Variants in HCFC2 observed in about 807,000 individuals in gnomAD.
HCFC2 encodes host cell factor 2.
A neutral mutation model predicts 89.2 loss-of-function variants in HCFC2; 18 were observed. That is an observed-to-expected ratio of 0.20 (90% CI 0.14 to 0.30). HCFC2 has a LOEUF of 0.30. Ranked by LOEUF, HCFC2 falls within the 10% of genes least tolerant of loss-of-function variation. The probability of loss-of-function intolerance (pLI) is 1.00; values close to 1 mark genes in which losing one functional copy is unlikely to be tolerated. For synonymous variants in HCFC2, 308 were observed against 335.7 expected (o/e 0.92, Z 0.90); for missense variants, 578 against 956.1 (o/e 0.60, Z 5.21).
chr12:104,078,886 G>A (rs1883593349), intron 3 of HCFC2, among the ~76,000 whole-genome samples: 1 of 152,162 alleles, frequency 6.6e-6, no homozygotes, highest in Non-Finnish European at 1.5e-5. Flanking sequence ...AACTCAGCTG[G>A]TTCTGTCACC....
At chr12:104,087,773 A>G (rs1406029216) in intron 8 of HCFC2, among the ~76,000 whole-genome samples, 2 of 152,088 alleles carry the variant, frequency 1.3e-5, no homozygotes, top group African/African-American at 4.8e-5. Context: ...AGTATTTTTA[A>G]CTAAATAGGC....
chr12:104,098,281 A>G, intron 12 of HCFC2, 62 bp from the exon 13 acceptor site: 4 of 1,392,302 alleles, frequency 2.9e-6, no homozygotes, highest in Non-Finnish European at 3.9e-6. Flanking sequence ...GACTTATTAA[A>G]TCTTGAAATT....
Position 104,104,580 on chromosome 12 carries a change from C to G in HCFC2, c.*1307C>G, listed in dbSNP as rs910816418. 1.3e-5 allele frequency: 2 copies of G among 151,910 alleles called. No individual in the cohort carries two copies. The highest frequency in any genetic ancestry group is 1.3e-4 in the Admixed American group (2 of 15,256). The allele number at this position is 151,910 out of a possible 1,614,324, so 9.4% of individuals were successfully genotyped here. ...ATGCCAGTTTAGGTTGACTGAGTAG[C>G]TATGTCCTCAAATTTCATGTATGAT... On this transcript the variant is annotated 3_prime_UTR_variant, in exon 15 of 15. Transcript: ENST00000229330.
chr12:104,104,920 A>G lies in HCFC2; in HGVS notation c.*1647A>G, dbSNP rs2030047674. 1 of 152,044 alleles carries G rather than the reference A, an allele frequency of 6.6e-6. No individual in the cohort carries two copies. The highest frequency in any genetic ancestry group is 6.6e-5 in the Admixed American group (1 of 15,264). 9.4% of individuals were successfully genotyped at this position (152,044 alleles called of 1,614,324 possible). A position where few individuals can be genotyped will look rare whatever the true frequency, so the allele number is the denominator to read the frequency against. The stretch of plus-strand genomic sequence containing the variant: ...AAATGTGTACTTTACAATGTTTACA[A>G]GGAGCTTCTCTGGTTTGTTATCCCA... On this transcript the variant is annotated 3_prime_UTR_variant, in exon 15 of 15. Coordinates refer to ENST00000229330, the MANE Select transcript of HCFC2 (RefSeq NM_013320.3).
intron 8 of HCFC2, among the ~76,000 whole-genome samples, chr12:104,087,443 ATG>A (rs201321288): frequency 0.13 from 12,041 of 95,996 alleles, 768 homozygotes; most frequent in Admixed American, 0.28. Flanking sequence ...GTGTGTGTGT[ATG>A]TGTGTGTGTA....
intron 10 of HCFC2, 83 bp downstream of exon 10, chr12:104,093,646 A>T: frequency 9.6e-6 from 12 of 1,254,292 alleles, no homozygotes; most frequent in Non-Finnish European, 1.3e-5. Context: ...AATGTTGTAC[A>T]GTTTTGATCC....
In HCFC2 at chr12:104,093,365, A is replaced by G. The variant is rs779350429; in HGVS notation, c.1285-21A>G. 2.6e-6 allele frequency: 4 copies of G among 1,563,276 alleles called. No homozygotes were observed. The Admixed American group carries it at 5.5e-5, about 22-fold the overall frequency. On this transcript the variant is annotated intron_variant, in intron 9 of 14. Transcript: ENST00000229330. Reference sequence around the variant, plus strand: ...TTCATTGAATATTGCTTACTACAGTAATCTGTTATATTTCTTGTAGATCAA... The same window carrying G: ...TTCATTGAATATTGCTTACTACAGTGATCTGTTATATTTCTTGTAGATCAA...
chr12:104,088,077 G>A (rs1446040265), intron 9 of HCFC2, 39 bp downstream of exon 9: 5 of 1,420,454 alleles, frequency 3.5e-6, no homozygotes, highest in Admixed American at 1.8e-5. Context: ...GGATGTTTAT[G>A]GTTATAGTCT....
At position 104,096,351 on chromosome 12, in the gene HCFC2, A is replaced by G. The variant is rs1884176944; in HGVS notation, c.1667-9A>G. The G allele has an allele frequency of 1.9e-6, 3 of 1,575,778 alleles. No homozygotes were observed. The South Asian group carries it at 3.6e-5, about 19-fold the overall frequency. ...GTAAATCTTATCTGATAAATTGTTT[A>G]ATTTTTAGTTGATGAAACATATGCA... On this transcript the variant is annotated splice_polypyrimidine_tract_variant and intron_variant, in intron 11 of 14. Transcript: ENST00000229330.
chr12:104,096,243 C>A (rs1425122415), intron 11 of HCFC2, 117 bp from the exon 12 acceptor site: 2 of 563,164 alleles, frequency 3.6e-6, no homozygotes, highest in Non-Finnish European at 6.0e-6. Flanking sequence ...ATAAAATTTG[C>A]TGTCTTAGCC....
intron 5 of HCFC2, among the ~76,000 whole-genome samples, chr12:104,082,223 T>C (rs553631965): frequency 6.6e-6 from 1 of 152,362 alleles, no homozygotes; most frequent in East Asian, 1.9e-4. Context: ...ATAGGCAATA[T>C]TGATTTTTAA....
intron 9 of HCFC2, among the ~76,000 whole-genome samples, chr12:104,091,688 G>A (rs562317826): frequency 3.2e-4 from 48 of 152,256 alleles, no homozygotes; most frequent in Non-Finnish European, 6.5e-4. Context: ...CATTCCAGAT[G>A]TAAGGATTTT....
At chr12:104,070,620 A>G (rs1444545290) in intron 3 of HCFC2, among the ~76,000 whole-genome samples, 3 of 152,206 alleles carry the variant, frequency 2.0e-5, no homozygotes, top group East Asian at 3.8e-4. Context: ...GCCATAGCAT[A>G]TAATACAGTA....
At chr12:104,102,506 T>G (rs1179577599) in intron 14 of HCFC2, among the ~76,000 whole-genome samples, 1 of 152,142 alleles carries the variant, frequency 6.6e-6, no homozygotes, top group Admixed American at 6.6e-5. Flanking sequence ...ATGTGTGTTG[T>G]CTCCCTCTAT....
chr12:104,080,895 G>C (rs983418039), intron 5 of HCFC2, 65 bp downstream of exon 5: 2 of 980,162 alleles, frequency 2.0e-6, no homozygotes, highest in Non-Finnish European at 3.1e-6. Context: ...AGCACACAAA[G>C]AAAGTAATGC....
intron 3 of HCFC2, among the ~76,000 whole-genome samples, chr12:104,076,001 A>G (rs781719072): frequency 9.2e-5 from 14 of 152,080 alleles, no homozygotes; most frequent in Non-Finnish European, 1.3e-4. Context: ...ATCTAGTTTT[A>G]TTATATTGTG....
rs2030081364 is a variant in HCFC2, at chr12:104,106,201, G to C, written c.*2928G>C. The C allele has an allele frequency of 6.6e-6, 1 of 152,014 alleles. No individual in the cohort carries two copies. The highest frequency in any genetic ancestry group is 1.5e-5 in the Non-Finnish European group (1 of 67,958). The allele number at this position is 152,014 out of a possible 1,614,324, so 9.4% of individuals were successfully genotyped here. ...TTATCTATAGGAAGGTGAAATTGTT[G>C]ATCTATTATTTCAAAGACTTGTAGA... On this transcript the variant is annotated 3_prime_UTR_variant, in exon 15 of 15. Coordinates refer to ENST00000229330, the MANE Select transcript of HCFC2 (RefSeq NM_013320.3).
At chr12:104,090,139 T>C (rs965663236) in intron 9 of HCFC2, among the ~76,000 whole-genome samples, 4 of 152,228 alleles carry the variant, frequency 2.6e-5, no homozygotes, top group Admixed American at 2.6e-4. Flanking sequence ...AAGTGGGCTT[T>C]TGAAAGGTAA....
intron 2 of HCFC2, among the ~76,000 whole-genome samples, chr12:104,066,611 T>C (rs917701833): frequency 6.6e-6 from 1 of 152,162 alleles, no homozygotes; most frequent in Non-Finnish European, 1.5e-5. Flanking sequence ...GTAGCATCAG[T>C]TGTACATGTT....
Sources: gnomAD v4.1 joint callset for allele counts (sites outside exome capture counted in the v4.1 genomes callset) on GRCh38, gnomAD v4.1.1 for gene constraint, MANE v1.5 for transcripts, NCBI Gene and HGNC (gene_info 2026-07-23, HGNC 2026-07-21) for gene names.